Variants in UPP1 observed in about 807,000 individuals in gnomAD.
UPP1 encodes the protein UPase 1.
UPP1 carries 25 observed loss-of-function variants against 29.6 expected under a neutral mutation model. The ratio of observed to expected loss-of-function variants is 0.85; its 90% confidence interval spans 0.62 to 1.18. The LOEUF is 1.18. Ranked by LOEUF, UPP1 falls within the 50% of genes most tolerant of loss-of-function variation. The pLI is 0.00. For missense variants in UPP1, 368 were observed against 410.4 expected (o/e 0.90, Z 0.89); for synonymous variants, 165 against 159.8 (o/e 1.03, Z -0.25).
rs1395274061 is a variant in UPP1, at chr7:48,108,454, C to T, written c.*97C>T. ...GTGTGGACTTTGAGCACACTTTACACAAGAATCTAGAAAATCAGATCGCGA... is the reference window on the plus strand; with the variant it reads ...GTGTGGACTTTGAGCACACTTTACATAAGAATCTAGAAAATCAGATCGCGA... On this transcript the variant is annotated 3_prime_UTR_variant, in exon 9 of 9. Coordinates refer to ENST00000395564, the MANE Select transcript of UPP1 (RefSeq NM_003364.4). The T allele has an allele frequency of 1.1e-5, 15 of 1,387,214 alleles. No individual in the cohort carries two copies. The highest frequency in any genetic ancestry group is 1.5e-5 in the Non-Finnish European group (15 of 1,034,304). The allele number at this position is 1,387,214 out of a possible 1,614,324, so 85.9% of individuals were successfully genotyped here. A position where few individuals can be genotyped will look rare whatever the true frequency, so the allele number is the denominator to read the frequency against.
rs761983133 is a variant in UPP1 at position 48,101,966 on chromosome 7, C to T, written c.305C>T (p.Pro102Leu). Residue 102 changes from proline to leucine, a missense_variant, in exon 5 of 9, where the codon CCG becomes CTG. Transcript: ENST00000395564. ...TDRYAMYKVGPVLSVSHGMGI... is the reference protein window; with the variant it reads ...TDRYAMYKVGLVLSVSHGMGI... ...CGCTATGCCATGTATAAAGTAGGAC[C>T]GGTGCTGTCTGTCAGTGTGAGTACC... 159 of 1,613,672 alleles carry T rather than the reference C, an allele frequency of 9.9e-5. No individual in the cohort carries two copies. Among genetic ancestry groups the T allele is most frequent in the Middle Eastern group, 8.2e-4 (5 of 6,062 alleles).
intron 2 of UPP1, among the ~76,000 whole-genome samples, chr7:48,094,283 G>A (rs1436747011): frequency 6.6e-6 from 1 of 152,120 alleles, no homozygotes; most frequent in Non-Finnish European, 1.5e-5. Flanking sequence ...GAGACGGAGT[G>A]TCGCTCTGCA....
upstream of UPP1, chr7:48,089,105 A>C: frequency 5.4e-5 from 1 of 18,422 alleles, no homozygotes. Context: ...GGGCAGAGGA[A>C]GGTGGGGGCG....
intron 7 of UPP1, 40 bp from the exon 8 acceptor site, chr7:48,107,320 CT>C (rs1792811003): frequency 6.3e-7 from 1 of 1,582,424 alleles, no homozygotes; most frequent in African/African-American, 1.4e-5. Context: ...GTAGGAGCTT[CT>C]CACATGCATG....
chr7:48,101,838 T>A lies in UPP1; in HGVS notation c.177T>A (p.Gly59=). 2 of 1,613,960 alleles carry A rather than the reference T, an allele frequency of 1.2e-6. No homozygotes were observed. Among genetic ancestry groups the A allele is most frequent in the Non-Finnish European group, 1.7e-6 (2 of 1,179,924 alleles). ...LFGDVKFVCV[G]GSPSRMKAFI... is the part of the protein sequence containing the mutation. ...TCTGGCTGCAGTTTGTGTGTGTTGG[T>A]GGAAGCCCCTCCCGGATGAAAGCCT... Residue 59 remains glycine, a synonymous_variant, in exon 5 of 9, where the codon GGT becomes GGA. Transcript: ENST00000395564.
intron 2 of UPP1, among the ~76,000 whole-genome samples, chr7:48,093,563 G>A (rs930371056): frequency 6.6e-6 from 1 of 152,204 alleles, no homozygotes; most frequent in Non-Finnish European, 1.5e-5. Context: ...TATTAACTGA[G>A]TTCAAAACGT....
intron 3 of UPP1, among the ~76,000 whole-genome samples, chr7:48,098,870 G>C (rs573833569): frequency 6.6e-6 from 1 of 152,158 alleles, no homozygotes; most frequent in African/African-American, 2.4e-5. Flanking sequence ...AAGGGACTTC[G>C]ACAGGCTTGA....
chr7:48,105,674 G>C (rs1373309531), intron 6 of UPP1: 1 of 152,452 alleles, frequency 6.6e-6, no homozygotes, highest in Admixed American at 6.6e-5. Flanking sequence ...TGTCTGGTGA[G>C]GGCTAACTTT....
Position 48,098,736 on chromosome 7 carries a change from G to T in UPP1, c.45-934G>T, listed in dbSNP as rs369659445. Among the ~76,000 whole-genome samples, 12 of 152,334 alleles carry T rather than the reference G, an allele frequency of 7.9e-5. No individual in the cohort carries two copies. The East Asian group carries it at 1.2e-3, about 15-fold the overall frequency. ...AAGTCAGACTCAGAAGGAAGAAAAAGAAGTCCCCAATTGCTCTGACATCAG... is the reference window on the plus strand; with the variant it reads ...AAGTCAGACTCAGAAGGAAGAAAAATAAGTCCCCAATTGCTCTGACATCAG... On this transcript the variant is annotated intron_variant, in intron 3 of 8. Coordinates refer to ENST00000395564, the MANE Select transcript of UPP1 (RefSeq NM_003364.4).
chr7:48,103,369 T>G lies in UPP1; in HGVS notation c.394T>G (p.Ser132Ala). ...AAAGCTGCTGTACTATGCCCGGTGC[T>G]CCAACGTCACTATCATCCGCATTGG... is the stretch of plus-strand genomic sequence containing the variant. The part of the protein sequence containing the change: ...LIKLLYYARC[S>A]NVTIIRIGTS... Residue 132 changes from serine to alanine, a missense_variant, in exon 6 of 9, where the codon TCC becomes GCC. Ser to Ala is a moderately conservative substitution (Grantham distance 99). Coordinates refer to ENST00000395564, the MANE Select transcript of UPP1 (RefSeq NM_003364.4). The G allele has an allele frequency of 6.2e-7, 1 of 1,613,984 alleles. No individual in the cohort carries two copies. The highest frequency in any genetic ancestry group is 8.5e-7 in the Non-Finnish European group (1 of 1,179,906).
Position 48,106,913 on chromosome 7 carries a change from G to C in UPP1, c.477G>C (p.Val159=). 1 of 1,613,792 alleles carries C rather than the reference G, an allele frequency of 6.2e-7. No individual in the cohort carries two copies. Among genetic ancestry groups the C allele is most frequent in the Non-Finnish European group, 8.5e-7 (1 of 1,179,966 alleles). ...PGTVVITEQA[V]DTCFKAEFEQ... ...CTGTGGTCATAACAGAGCAGGCAGTGGATACCTGCTTCAAGGCAGAGTTTG... is the reference window on the plus strand; with the variant it reads ...CTGTGGTCATAACAGAGCAGGCAGTCGATACCTGCTTCAAGGCAGAGTTTG... The change falls in exon 7 of 9, where the codon GTG becomes GTC. Residue 159 remains valine, a synonymous_variant. Transcript: ENST00000395564.
chr7:48,099,664 T>C lies in UPP1; in HGVS notation c.45-6T>C. On this transcript the variant is annotated splice_polypyrimidine_tract_variant and splice_region_variant and intron_variant, in intron 3 of 8. Transcript: ENST00000395564. ...ATAAGCCTTCCACTTTCTTGTTTTT[T>C]AACAGTGATTGCCCCGTCAGACTTT... 6.3e-7 allele frequency: 1 copy of C among 1,597,768 alleles called. No homozygotes were observed. The highest frequency in any genetic ancestry group is 8.6e-7 in the Non-Finnish European group (1 of 1,165,492).
intron 2 of UPP1, among the ~76,000 whole-genome samples, chr7:48,092,778 C>T (rs1216199186): frequency 6.6e-6 from 1 of 151,602 alleles, no homozygotes; most frequent in Non-Finnish European, 1.5e-5. Flanking sequence ...TCTCGACTCA[C>T]TACAACCTTC....
chr7:48,106,892 G>A lies in UPP1; in HGVS notation c.456G>A (p.Val152=), dbSNP rs760772588. Residue 152 remains valine (V), a synonymous_variant, in exon 7 of 9, where the codon GTG becomes GTA. Coordinates refer to ENST00000395564, the MANE Select transcript of UPP1 (RefSeq NM_003364.4). ...SGGIGLEPGT[V]VITEQAVDTC... is the part of the protein sequence containing the mutation. The stretch of plus-strand genomic sequence containing the variant: ...CCTCAGGTCTGGAGCCCGGCACTGT[G>A]GTCATAACAGAGCAGGCAGTGGATA... 7 of 1,613,766 alleles carry A rather than the reference G, an allele frequency of 4.3e-6. No individual in the cohort carries two copies. The highest frequency in any genetic ancestry group is 2.2e-5 in the East Asian group (1 of 44,894).
At chr7:48,096,635 T>C (rs1349255312) in intron 3 of UPP1, among the ~76,000 whole-genome samples, 1 of 152,230 alleles carries the variant, frequency 6.6e-6, no homozygotes, top group Non-Finnish European at 1.5e-5. Context: ...AGGTTGATAC[T>C]GCTTTCTCTT....
chr7:48,092,079 T>C (rs949281232), intron 2 of UPP1, among the ~76,000 whole-genome samples: 1 of 152,062 alleles, frequency 6.6e-6, no homozygotes, highest in Non-Finnish European at 1.5e-5. Flanking sequence ...CCAAGGGAGC[T>C]CACCTCTTAG....
intron 3 of UPP1, among the ~76,000 whole-genome samples, chr7:48,098,212 A>G (rs752944335): frequency 2.0e-5 from 3 of 152,160 alleles, no homozygotes; most frequent in Admixed American, 2.0e-4. Context: ...TGAAATGTTC[A>G]GGTGTGAGCT....
chr7:48,099,973 T>C (rs1792334245), intron 4 of UPP1, among the ~76,000 whole-genome samples, 186 bp downstream of exon 4: 1 of 152,278 alleles, frequency 6.6e-6, no homozygotes, highest in Admixed American at 6.5e-5. Context: ...AAAACTATCC[T>C]AAGTAGTGCC....
At chr7:48,095,986 T>A (rs1792109380) in intron 3 of UPP1, among the ~76,000 whole-genome samples, 1 of 152,184 alleles carries the variant, frequency 6.6e-6, no homozygotes, top group Non-Finnish European at 1.5e-5. Flanking sequence ...GTATTCCTGG[T>A]ATTTTCAGTC....
Sources: allele counts gnomAD v4.1 joint callset (sites outside exome capture counted in the v4.1 genomes callset), GRCh38; gene constraint gnomAD v4.1.1; transcripts MANE v1.5; gene names NCBI Gene and HGNC (gene_info 2026-07-23, HGNC 2026-07-21).